Variants in XRCC5 observed in about 807,000 individuals in gnomAD.
XRCC5 encodes DNA repair protein Ku80.
A neutral mutation model predicts 95.7 loss-of-function variants in XRCC5; 12 were observed. That is an observed-to-expected ratio of 0.13 (90% CI 0.08 to 0.20). The LOEUF is 0.20. Among genes scored for constraint, XRCC5 ranks in the 10% least tolerant of loss-of-function variants. The probability of loss-of-function intolerance (pLI) is 1.00; values close to 1 mark genes in which losing one functional copy is unlikely to be tolerated. For synonymous variants in XRCC5, 281 were observed against 290.3 expected (o/e 0.97, Z 0.33); for missense variants, 595 against 873.9 (o/e 0.68, Z 4.02).
chr2:216,132,970 A>G (rs942173310), intron 10 of XRCC5, among the ~76,000 whole-genome samples: 1 of 152,198 alleles, frequency 6.6e-6, no homozygotes, highest in African/African-American at 2.4e-5. Context: ...TATCTGTTTA[A>G]GGCAGCTCAA....
intron 14 of XRCC5, among the ~76,000 whole-genome samples, chr2:216,150,734 C>T (rs990507114): frequency 6.6e-6 from 1 of 151,834 alleles, no homozygotes; most frequent in Non-Finnish European, 1.5e-5. Context: ...ACTAAAAATA[C>T]AAAAATGAAC....
chr2:216,160,045 G>GA, intron 14 of XRCC5, 23 bp from the exon 15 acceptor site: 1 of 1,481,002 alleles, frequency 6.8e-7, no homozygotes, highest in Non-Finnish European at 9.2e-7. Flanking sequence ...TGTTCTAAGA[G>GA]AAATTTTTTT....
At chr2:216,184,131 C>T (rs929647190) in intron 16 of XRCC5, among the ~76,000 whole-genome samples, 1 of 148,780 alleles carries the variant, frequency 6.7e-6, no homozygotes, top group Non-Finnish European at 1.5e-5. Context: ...TTCATAAGTA[C>T]GTTTGACTTC....
intron 16 of XRCC5, among the ~76,000 whole-genome samples, chr2:216,188,071 C>T (rs1040989671): frequency 3.9e-5 from 6 of 152,112 alleles, no homozygotes; most frequent in African/African-American, 1.4e-4. Context: ...CTAATCCTCA[C>T]TCTTTTTTCT....
intron 1 of XRCC5, among the ~76,000 whole-genome samples, chr2:216,110,247 A>AT (rs34388243): frequency 3.7e-4 from 56 of 150,236 alleles, no homozygotes; most frequent in Middle Eastern, 6.8e-3. Flanking sequence ...TTTTAAAGTG[A>AT]TTTTTTTTTT....
intron 13 of XRCC5, among the ~76,000 whole-genome samples, chr2:216,142,025 G>T (rs1009471605): frequency 6.6e-6 from 1 of 151,970 alleles, no homozygotes; most frequent in East Asian, 1.9e-4. Context: ...CTGTACTCCA[G>T]CCTGGGCGGC....
chr2:216,166,889 A>G (rs915216840), intron 16 of XRCC5, among the ~76,000 whole-genome samples: 1 of 152,192 alleles, frequency 6.6e-6, no homozygotes, highest in East Asian at 1.9e-4. Context: ...GGATCTTAAG[A>G]GCCAGAAAGG....
rs1464641872 is a variant in XRCC5, at chr2:216,205,436, G to T, written c.*234G>T. The stretch of plus-strand genomic sequence containing the variant: ...AAGAGTCATTGTTATTTTCTGGTTG[G>T]TGTATTATTTTTTCTGTGGTCTTAC... On this transcript the variant is annotated 3_prime_UTR_variant, in exon 21 of 21. Coordinates refer to ENST00000392132, the MANE Select transcript of XRCC5 (RefSeq NM_021141.4). 5.5e-6 allele frequency: 3 copies of T among 543,240 alleles called. No homozygotes were observed. The highest frequency in any genetic ancestry group is 9.8e-6 in the Non-Finnish European group (3 of 305,928). 33.7% of individuals were successfully genotyped at this position (543,240 alleles called of 1,614,324 possible).
chr2:216,182,944 T>A lies in XRCC5; in HGVS notation c.1835-7281T>A, dbSNP rs41302492. ...AGAACCATTCCACTTACCAGGAAAC[T>A]TAAAATTTGCCAGCTGACCTGGGAA... On this transcript the variant is annotated intron_variant, in intron 16 of 20. Coordinates refer to ENST00000392132, the MANE Select transcript of XRCC5 (RefSeq NM_021141.4). 6.3e-3 allele frequency among the ~76,000 whole-genome samples: 957 copies of A among 152,330 alleles called. 11 individuals are homozygous for A. The highest frequency in any genetic ancestry group is 0.021 in the African/African-American group (891 of 41,566).
rs1337392273 is a variant in XRCC5 at position 216,149,228 on chromosome 2, T to C, written c.1670+952T>C. The stretch of plus-strand genomic sequence containing the variant: ...ATCATTGATTTAGAGAATTACTGTC[T>C]AAATTGAATAGAAAGTTGTGCACAT... On this transcript the variant is annotated intron_variant, in intron 14 of 20. Coordinates refer to ENST00000392132, the MANE Select transcript of XRCC5 (RefSeq NM_021141.4). Among the ~76,000 whole-genome samples the C allele has an allele frequency of 4.6e-5, 7 of 152,158 alleles. 1 individual carries two copies. In the South Asian group the frequency reaches 1.4e-3, roughly 32 times the overall value.
rs572521663 is a variant in XRCC5 at position 216,204,170 on chromosome 2, G to A, written c.2110-152G>A. ...CTCACCCAAAGCCAAATGAAGTAGC[G>A]TATGCCAGGATGATGTTTCTTTTGG... is the stretch of plus-strand genomic sequence containing the variant. On this transcript the variant is annotated intron_variant, in intron 19 of 20. Coordinates refer to ENST00000392132, the MANE Select transcript of XRCC5 (RefSeq NM_021141.4). The A allele has an allele frequency of 9.3e-5, 76 of 817,804 alleles. 1 individual carries two copies. Among genetic ancestry groups the A allele is most frequent in the African/African-American group, 2.1e-4 (12 of 58,502 alleles). The allele number at this position is 817,804 out of a possible 1,614,324, so 50.7% of individuals were successfully genotyped here. A position where few individuals can be genotyped will look rare whatever the true frequency, so the allele number is the denominator to read the frequency against.
chr2:216,158,335 A>T (rs1466853059), intron 14 of XRCC5, among the ~76,000 whole-genome samples: 2 of 152,218 alleles, frequency 1.3e-5, no homozygotes, highest in Non-Finnish European at 2.9e-5. Context: ...ATAGATAAAA[A>T]TTAGTACACA....
chr2:216,188,335 A>T (rs1262266826), intron 16 of XRCC5, among the ~76,000 whole-genome samples: 1 of 152,250 alleles, frequency 6.6e-6, no homozygotes, highest in Non-Finnish European at 1.5e-5. Context: ...TGTTAATTTT[A>T]TGTATATGCA....
chr2:216,139,450 A>T (rs1289486498), intron 12 of XRCC5, among the ~76,000 whole-genome samples: 1 of 152,122 alleles, frequency 6.6e-6, no homozygotes, highest in Non-Finnish European at 1.5e-5. Context: ...GGAGTGAATA[A>T]ATCTATAGAC....
chr2:216,168,919 A>T (rs1689102140), intron 16 of XRCC5, among the ~76,000 whole-genome samples: 1 of 152,256 alleles, frequency 6.6e-6, no homozygotes, highest in Admixed American at 6.5e-5. Context: ...TCTCTTTCAA[A>T]TACTGGATTT....
At chr2:216,182,608 TC>T (rs1406456449) in intron 16 of XRCC5, among the ~76,000 whole-genome samples, 1 of 152,196 alleles carries the variant, frequency 6.6e-6, no homozygotes, top group African/African-American at 2.4e-5. Flanking sequence ...ACACATTCTT[TC>T]AGGCATATGG....
chr2:216,142,459 T>C (rs961502672), intron 13 of XRCC5, among the ~76,000 whole-genome samples: 1 of 151,972 alleles, frequency 6.6e-6, no homozygotes, highest in African/African-American at 2.4e-5. Flanking sequence ...TTAAGGTAAA[T>C]TGGGGAAGTT....
rs756429714 is a variant in XRCC5, at chr2:216,138,071, C to G, written c.1252-18C>G. On this transcript the variant is annotated intron_variant, in intron 11 of 20. Transcript: ENST00000392132. ...TAATTTCATCGTTTCTGCTTTTACC[C>G]CCTTTCTTTCTCATTAGTGTTTAGT... 1 of 1,574,222 alleles carries G rather than the reference C, an allele frequency of 6.4e-7. No individual in the cohort carries two copies. The highest frequency in any genetic ancestry group is 2.3e-5 in the East Asian group (1 of 44,204).
chr2:216,129,384 G>GA (rs773676691), intron 8 of XRCC5, among the ~76,000 whole-genome samples: 46 of 152,242 alleles, frequency 3.0e-4, no homozygotes, highest in South Asian at 1.7e-3. Flanking sequence ...GTGGGCAAAG[G>GA]AATCTGGTTA....
Sources: gnomAD v4.1 joint callset for allele counts (sites outside exome capture counted in the v4.1 genomes callset) on GRCh38, gnomAD v4.1.1 for gene constraint, MANE v1.5 for transcripts, NCBI Gene and HGNC (gene_info 2026-07-23, HGNC 2026-07-21) for gene names.